The following DMD variants were observed in gnomAD, a reference collection of about 807,000 sequenced individuals.
The protein encoded by DMD is mutant dystrophin.
DMD carries 63 observed loss-of-function variants against 330.1 expected under a neutral mutation model. That is an observed-to-expected ratio of 0.19 (90% CI 0.16 to 0.24). The LOEUF is 0.24. DMD is among the 10% of genes least tolerant of loss of function. The pLI is 1.00. For missense variants in DMD, 3,344 were observed against 2,684.1 expected (o/e 1.25, Z -5.43); for synonymous variants, 1,223 against 959.8 (o/e 1.27, Z -5.07).
At chrX:31,939,437 A>T (rs73619018) in intron 45 of DMD, among the ~76,000 whole-genome samples, 7,544 of 111,816 alleles carry the variant, frequency 0.067, 186 homozygotes, top group East Asian at 0.09. Flanking sequence ...ACGATGAGGG[A>T]AAAACCTGAA....
chrX:33,023,950 T>G (rs1293468178), intron 1 of DMD, among the ~76,000 whole-genome samples: 2 of 111,767 alleles, frequency 1.8e-5, no homozygotes, highest in East Asian at 5.6e-4. Flanking sequence ...TCATATGCCT[T>G]TTAATTTTTA....
chrX:31,828,880 G>A (rs1041140311), intron 49 of DMD, among the ~76,000 whole-genome samples: 1 of 110,944 alleles, frequency 9.0e-6, no homozygotes, highest in African/African-American at 3.3e-5. Flanking sequence ...TATGAAGTCA[G>A]TATCACCCTA....
intron 17 of DMD, among the ~76,000 whole-genome samples, chrX:32,530,171 A>G (rs2047346320): frequency 8.9e-6 from 1 of 112,417 alleles, no homozygotes; most frequent in Admixed American, 9.4e-5. Context: ...TTTATTATCA[A>G]TTATGGCATA....
intron 9 of DMD, among the ~76,000 whole-genome samples, chrX:32,697,062 T>G (rs1417157604): frequency 4.5e-5 from 5 of 112,138 alleles, no homozygotes; most frequent in Admixed American, 9.5e-5. Context: ...AGTGTAGTTT[T>G]GATAAAAATC....
intron 2 of DMD, among the ~76,000 whole-genome samples, chrX:32,917,875 AGAAG>A (rs967089871): frequency 6.3e-5 from 7 of 110,882 alleles, no homozygotes; most frequent in African/African-American, 2.3e-4. Flanking sequence ...CTGCCTGACA[AGAAG>A]GAAGAAGCTT....
intron 2 of DMD, among the ~76,000 whole-genome samples, chrX:32,888,325 C>G (rs1381099530): frequency 9.1e-6 from 1 of 109,941 alleles, no homozygotes; most frequent in Non-Finnish European, 1.9e-5. Flanking sequence ...CCCCCACCCC[C>G]ACAGGCTCCG....
At chrX:31,153,915 T>G (rs1201004201) in intron 74 of DMD, among the ~76,000 whole-genome samples, 1 of 112,244 alleles carries the variant, frequency 8.9e-6, no homozygotes, top group Non-Finnish European at 1.9e-5. Context: ...CCAAATGAAA[T>G]AAGGTTTTTT....
chrX:32,725,876 GA>G (rs2066822370), intron 7 of DMD, among the ~76,000 whole-genome samples: 1 of 110,666 alleles, frequency 9.0e-6, no homozygotes. Context: ...TGAGTGGATG[GA>G]TACCCCATTC....
chrX:31,277,219 A>G (rs1478036590), intron 62 of DMD, among the ~76,000 whole-genome samples: 1 of 111,238 alleles, frequency 9.0e-6, no homozygotes, highest in African/African-American at 3.3e-5. Flanking sequence ...GCAATTTTCA[A>G]GACTATACTA....
intron 64 of DMD, among the ~76,000 whole-genome samples, chrX:31,221,634 G>A (rs1044323278): frequency 1.8e-5 from 2 of 112,934 alleles, no homozygotes; most frequent in East Asian, 5.6e-4. Flanking sequence ...ATAGAGACAA[G>A]ATCACTTTAT....
At chrX:32,634,365 C>T (rs1014240670) in intron 11 of DMD, among the ~76,000 whole-genome samples, 1 of 111,800 alleles carries the variant, frequency 8.9e-6, no homozygotes, top group Non-Finnish European at 1.9e-5. Flanking sequence ...AAGCCAAAGT[C>T]CCCTTTACTC....
chrX:32,609,408 A>T (rs1305757806), intron 12 of DMD, among the ~76,000 whole-genome samples: 1 of 110,742 alleles, frequency 9.0e-6, no homozygotes, highest in African/African-American at 3.3e-5. Context: ...TTTATATAAG[A>T]CTCATGATCA....
At chrX:32,054,200 T>C (rs1284600738) in intron 44 of DMD, among the ~76,000 whole-genome samples, 1 of 108,908 alleles carries the variant, frequency 9.2e-6, no homozygotes, top group African/African-American at 3.3e-5. Flanking sequence ...CTTCTTTTTT[T>C]TTTTTATTAT....
intron 60 of DMD, among the ~76,000 whole-genome samples, chrX:31,433,260 G>A (rs1211341827): frequency 9.0e-6 from 1 of 111,559 alleles, no homozygotes; most frequent in Non-Finnish European, 1.9e-5. Context: ...AGTATTCCAT[G>A]GTGCATATAT....
At chrX:32,977,874 A>G (rs1238181700) in intron 2 of DMD, among the ~76,000 whole-genome samples, 1 of 111,669 alleles carries the variant, frequency 9.0e-6, no homozygotes, top group Non-Finnish European at 1.9e-5. Context: ...TTTAAGTCTT[A>G]TTTTATAAAT....
chrX:32,953,748 C>G (rs186815954), intron 2 of DMD, among the ~76,000 whole-genome samples: 1 of 112,241 alleles, frequency 8.9e-6, no homozygotes, highest in African/African-American at 3.2e-5. Context: ...TTTTCAAAGA[C>G]AGTATGCTAT....
At chrX:31,180,347 C>T (rs771066863) in intron 69 of DMD, 23 bp downstream of exon 69, 20 of 1,051,104 alleles carry the variant, frequency 1.9e-5, no homozygotes, top group South Asian at 1.1e-4. Context: ...CTAACTCTCA[C>T]GTCAGGCTGG....
intron 60 of DMD, among the ~76,000 whole-genome samples, chrX:31,428,983 G>A (rs1046242130): frequency 2.7e-5 from 3 of 110,477 alleles, no homozygotes; most frequent in African/African-American, 6.6e-5. Context: ...CTAGCTGGGC[G>A]TGGTGGTGGA....
chrX:33,194,278 A>G (rs985103192), intron 1 of DMD, among the ~76,000 whole-genome samples: 4 of 110,370 alleles, frequency 3.6e-5, no homozygotes, highest in Non-Finnish European at 1.9e-5. Context: ...AACTTTCAAA[A>G]TTGCACACCA....
Sources: gnomAD v4.1 joint callset for allele counts (sites outside exome capture counted in the v4.1 genomes callset) on GRCh38, gnomAD v4.1.1 for gene constraint, MANE v1.5 for transcripts, NCBI Gene and HGNC (gene_info 2026-07-23, HGNC 2026-07-21) for gene names.